Variants in ZPBP observed in about 807,000 individuals in gnomAD.
The protein encoded by ZPBP is zona pellucida-binding protein 1.
A neutral mutation model predicts 44.8 loss-of-function variants in ZPBP; 26 were observed. The ratio of observed to expected loss-of-function variants is 0.58; its 90% CI spans 0.43 to 0.81. The LOEUF (loss-of-function observed/expected upper bound fraction) is 0.81. ZPBP is among the 30% of genes least tolerant of loss of function. The pLI is 0.00. For synonymous variants in ZPBP, 174 were observed against 153.2 expected (o/e 1.14, Z -1.00); for missense variants, 409 against 434.0 (o/e 0.94, Z 0.51).
At chr7:50,093,041 A>G (rs1803072459) in intron 1 of ZPBP, 27 bp downstream of exon 1, 2 of 1,589,782 alleles carry the variant, frequency 1.3e-6, no homozygotes, top group East Asian at 2.3e-5. Flanking sequence ...GTCCCTGCGG[A>G]GCCGGCAGGG....
At chr7:50,039,148 T>A (rs1448971272) in intron 4 of ZPBP, among the ~76,000 whole-genome samples, 1 of 152,142 alleles carries the variant, frequency 6.6e-6, no homozygotes, top group African/African-American at 2.4e-5. Context: ...TAATTCATTA[T>A]AAATATGTTA....
chr7:49,890,735 A>C (rs1014367508), intron 2 of ZPBP, among the ~76,000 whole-genome samples: 123 of 152,200 alleles, frequency 8.1e-4, no homozygotes, highest in African/African-American at 2.6e-3. Flanking sequence ...CAAAACAAAA[A>C]AAAAAAAAAC....
intron 7 of ZPBP, among the ~76,000 whole-genome samples, chr7:49,962,993 A>T (rs529520982): frequency 6.6e-6 from 1 of 151,648 alleles, no homozygotes; most frequent in Non-Finnish European, 1.5e-5. Flanking sequence ...TTTCCAAAAT[A>T]TATAAAAAAT....
chr7:49,970,245 A>T (rs964382055), intron 7 of ZPBP, among the ~76,000 whole-genome samples: 1 of 152,162 alleles, frequency 6.6e-6, no homozygotes, highest in Non-Finnish European at 1.5e-5. Context: ...AGTTCTTAAA[A>T]TACTCAAACA....
intron 6 of ZPBP, among the ~76,000 whole-genome samples, chr7:50,010,010 T>A (rs1428493057): frequency 6.6e-6 from 1 of 152,138 alleles, no homozygotes; most frequent in African/African-American, 2.4e-5. Flanking sequence ...TGTAGAGACA[T>A]ATCATGTTCA....
At chr7:49,924,174 G>A (rs1212691873) in intron 1 of ZPBP, among the ~76,000 whole-genome samples, 1 of 149,544 alleles carries the variant, frequency 6.7e-6, no homozygotes, top group Non-Finnish European at 1.5e-5. Context: ...GTTATAAAAT[G>A]GTAAAAGCAC....
chr7:50,023,475 G>A (rs564768713), intron 5 of ZPBP, among the ~76,000 whole-genome samples: 71 of 151,988 alleles, frequency 4.7e-4, no homozygotes, highest in African/African-American at 1.2e-3. Context: ...CTAGTACTAC[G>A]ATAAACAGTA....
chr7:50,073,856 G>C (rs1584176562), intron 3 of ZPBP, among the ~76,000 whole-genome samples: 1 of 152,084 alleles, frequency 6.6e-6, no homozygotes, highest in Admixed American at 6.5e-5. Context: ...ACACACAAAA[G>C]CTGAGGGATT....
chr7:49,898,904 C>T (rs57033478), intron 2 of ZPBP, among the ~76,000 whole-genome samples: 4,143 of 151,804 alleles, frequency 0.027, 208 homozygotes, highest in African/African-American at 0.095. Context: ...ATTAAAGCCA[C>T]AAAAAGCATA....
chr7:50,006,014 G>C (rs894411207), intron 6 of ZPBP, among the ~76,000 whole-genome samples: 1 of 151,406 alleles, frequency 6.6e-6, no homozygotes. Flanking sequence ...ACTAATATCA[G>C]AAAAAAACAG....
At chr7:49,938,565 G>A (rs1258075886) in intron 7 of ZPBP, among the ~76,000 whole-genome samples, 2 of 151,952 alleles carry the variant, frequency 1.3e-5, no homozygotes, top group African/African-American at 4.8e-5. Context: ...AAATCACACA[G>A]TGTATCATAG....
chr7:49,890,684 C>CAAAT (rs1263499421), intron 2 of ZPBP, among the ~76,000 whole-genome samples: 1 of 148,262 alleles, frequency 6.7e-6, no homozygotes. Context: ...CTACTGAGAA[C>CAAAT]AAATCTAAGG....
chr7:49,862,728 T>TG (rs1269270347), intron 2 of ZPBP, among the ~76,000 whole-genome samples: 1 of 151,366 alleles, frequency 6.6e-6, no homozygotes, highest in African/African-American at 2.4e-5. Flanking sequence ...GACCATGAGT[T>TG]TTTTTTTTTC....
chr7:50,039,334 A>G (rs1291871000), intron 4 of ZPBP, among the ~76,000 whole-genome samples: 3 of 152,180 alleles, frequency 2.0e-5, no homozygotes, highest in Non-Finnish European at 4.4e-5. Context: ...AATTAGCAAT[A>G]TTTGCCACAT....
chr7:49,940,345 T>C (rs1400673110), intron 7 of ZPBP, among the ~76,000 whole-genome samples: 1 of 152,088 alleles, frequency 6.6e-6, no homozygotes, highest in East Asian at 1.9e-4. Context: ...AATTAACTCA[T>C]ATAAATCAAT....
At chr7:49,850,531 G>A (rs1240411468) in intron 2 of ZPBP, 2 of 152,230 alleles carry the variant, frequency 1.3e-5, no homozygotes, top group Non-Finnish European at 2.9e-5. Context: ...GAGGAGAGGA[G>A]CATTAGCTCA....
intron 7 of ZPBP, among the ~76,000 whole-genome samples, chr7:49,947,603 G>A (rs1448123064): frequency 6.6e-6 from 1 of 152,208 alleles, no homozygotes; most frequent in Non-Finnish European, 1.5e-5. Flanking sequence ...AACAAGAGGA[G>A]GGGTGAATCA....
chr7:49,994,104 C>A (rs1295228081), intron 6 of ZPBP, among the ~76,000 whole-genome samples: 4 of 152,148 alleles, frequency 2.6e-5, no homozygotes, highest in Non-Finnish European at 1.5e-5. Context: ...GGCGACAGCC[C>A]AGAATTAATA....
intron 2 of ZPBP, among the ~76,000 whole-genome samples, chr7:49,854,047 TC>T (rs1461938015): frequency 2.6e-5 from 4 of 151,284 alleles, no homozygotes; most frequent in Admixed American, 2.0e-4. Flanking sequence ...CATGAACTCA[TC>T]CTTTTTTATG....
Sources: gnomAD v4.1 joint callset for allele counts (sites outside exome capture counted in the v4.1 genomes callset) on GRCh38, gnomAD v4.1.1 for gene constraint, MANE v1.5 for transcripts, NCBI Gene and HGNC (gene_info 2026-07-23, HGNC 2026-07-21) for gene names.